Variants in TRPM1 observed in about 807,000 individuals in gnomAD.
TRPM1 encodes the protein TRPM1-203 APA Isoform, Intron 10.
TRPM1 carries 113 observed loss-of-function variants against 149.4 expected under a neutral mutation model. That is an observed-to-expected ratio of 0.76 (90% CI 0.65 to 0.88). The LOEUF (loss-of-function observed/expected upper bound fraction) is 0.88. Among genes scored for constraint, TRPM1 ranks in the 40% least tolerant of loss-of-function variants. The pLI is 0.00. For missense variants in TRPM1, 1,976 were observed against 2,038.7 expected, an observed-to-expected ratio of 0.97 and a Z score of 0.59; for synonymous variants, 741 against 759.5, an observed-to-expected ratio of 0.98 and a Z score of 0.40.
chr15:31,015,297 C>A (rs2032319099), intron 27 of TRPM1, among the ~76,000 whole-genome samples: 1 of 151,804 alleles, frequency 6.6e-6, no homozygotes, highest in Non-Finnish European at 1.5e-5. Flanking sequence ...CCTGTAATCC[C>A]AGCCACTTGG....
chr15:31,055,522 G>T (rs966353239), intron 11 of TRPM1, among the ~76,000 whole-genome samples: 8 of 152,172 alleles, frequency 5.3e-5, no homozygotes, highest in African/African-American at 1.9e-4. Flanking sequence ...CCGGAAGATG[G>T]TCTACAGAGC....
chr15:31,028,243 T>C (rs2032877686), intron 25 of TRPM1, 89 bp downstream of exon 25: 1 of 1,535,580 alleles, frequency 6.5e-7, no homozygotes. Context: ...TCTGCAAATA[T>C]ATTGGTATCT....
chr15:31,148,428 T>G (rs8030503), intron 1 of TRPM1, among the ~76,000 whole-genome samples: 7,433 of 152,226 alleles, frequency 0.049, 585 homozygotes, highest in African/African-American at 0.17. Flanking sequence ...GAGAGAACGC[T>G]CCATCCTGAT....
chr15:31,133,360 G>A (rs963609355), intron 1 of TRPM1, among the ~76,000 whole-genome samples: 4 of 152,230 alleles, frequency 2.6e-5, no homozygotes, highest in Admixed American at 2.6e-4. Context: ...TTGAGGTCAG[G>A]AGTTGGAGAA....
Position 31,002,509 on chromosome 15 carries a change from T to C in TRPM1, c.4191A>G (p.Glu1397=), listed in dbSNP as rs1425616804. Reference sequence around the variant, plus strand: ...TTTTATTTAAACTTGGGGAAATAGTTTCTTCTTTTTTAGAGTCTGTCTGTC... The same window carrying C: ...TTTTATTTAAACTTGGGGAAATAGTCTCTTCTTTTTTAGAGTCTGTCTGTC... ...DERQTDSKKE[E]TISPSLNKTD... is the part of the protein sequence containing the mutation. Residue 1397 remains glutamate, a synonymous_variant, in exon 28 of 28, where the codon GAA becomes GAG. Coordinates refer to ENST00000256552, the MANE Select transcript of TRPM1 (RefSeq NM_001252024.2). 9 of 1,614,070 alleles carry C rather than the reference T, an allele frequency of 5.6e-6. No homozygotes were observed. Among genetic ancestry groups the C allele is most frequent in the Admixed American group, 1.7e-5 (1 of 59,998 alleles).
intron 1 of TRPM1, among the ~76,000 whole-genome samples, chr15:31,090,683 T>G (rs2035212036): frequency 6.6e-6 from 1 of 151,148 alleles, no homozygotes; most frequent in East Asian, 1.9e-4. Flanking sequence ...CTGGAAAAAA[T>G]CTTCCCAACA....
At chr15:31,094,955 A>G (rs1362303366) in intron 1 of TRPM1, among the ~76,000 whole-genome samples, 1 of 152,270 alleles carries the variant, frequency 6.6e-6, no homozygotes, top group Non-Finnish European at 1.5e-5. Context: ...AATGGTGGCC[A>G]TAGCTCACAT....
chr15:31,098,868 C>T (rs991211160), intron 1 of TRPM1, among the ~76,000 whole-genome samples: 1 of 151,782 alleles, frequency 6.6e-6, no homozygotes, highest in African/African-American at 2.4e-5. Context: ...AGCCAGAAGC[C>T]GTGAGGGAGG....
chr15:31,035,401 C>G (rs2033313591), intron 21 of TRPM1, 145 bp downstream of exon 21: 1 of 1,188,202 alleles, frequency 8.4e-7, no homozygotes, highest in African/African-American at 1.5e-5. Flanking sequence ...CCGCCTCAGC[C>G]TCCCAGAGTG....
rs28535333 is a variant in TRPM1, at chr15:31,042,481, C to T, written c.1795-238G>A. ...GGCATACTGTTTGGATAACTTGCACCCCTGGGTCAGCAGTTTTACTTAGAA... is the reference window on the plus strand; with the variant it reads ...GGCATACTGTTTGGATAACTTGCACTCCTGGGTCAGCAGTTTTACTTAGAA... On this transcript the variant is annotated intron_variant, in intron 16 of 27. Coordinates refer to ENST00000256552, the MANE Select transcript of TRPM1 (RefSeq NM_001252024.2). Among the ~76,000 whole-genome samples, 15,115 of 152,142 alleles carry T rather than the reference C, an allele frequency of 0.099. 790 individuals are homozygous for T. The highest frequency in any genetic ancestry group is 0.12 in the Non-Finnish European group (8,023 of 67,980).
At chr15:31,074,373 C>T (rs973818450) in intron 3 of TRPM1, among the ~76,000 whole-genome samples, 4 of 152,186 alleles carry the variant, frequency 2.6e-5, no homozygotes, top group East Asian at 1.9e-4. Flanking sequence ...TATCTCTTTA[C>T]TCCTTATAGA....
At chr15:31,149,546 G>A (rs2036266725) in intron 1 of TRPM1, among the ~76,000 whole-genome samples, 2 of 114,926 alleles carry the variant, frequency 1.7e-5, no homozygotes, top group African/African-American at 3.6e-5. Flanking sequence ...TTTTTTTTGA[G>A]ACGGAGTCTT....
At chr15:31,025,786 C>G (rs1027145063) in intron 27 of TRPM1, among the ~76,000 whole-genome samples, 1 of 152,224 alleles carries the variant, frequency 6.6e-6, no homozygotes, top group Non-Finnish European at 1.5e-5. Context: ...TGGGGAGGAC[C>G]ATGCTCGCAA....
Position 31,125,547 on chromosome 15 carries a change from G to A in TRPM1, c.54+35359C>T, listed in dbSNP as rs571134107. Among the ~76,000 whole-genome samples the A allele has an allele frequency of 5.0e-3, 745 of 149,698 alleles. 7 individuals are homozygous for A. The highest frequency in any genetic ancestry group is 0.018 in the African/African-American group (716 of 40,506). On this transcript the variant is annotated intron_variant, in intron 1 of 26. Coordinates refer to the TRPM1 transcript ENST00000542188. The stretch of plus-strand genomic sequence containing the variant: ...AGATCGAGACCATCCCGGCTAAAAC[G>A]GTGAAACCTCGTCTCTACTAAAAAT...
chr15:31,124,034 A>G (rs1193850826), intron 1 of TRPM1, among the ~76,000 whole-genome samples: 1 of 152,250 alleles, frequency 6.6e-6, no homozygotes, highest in Non-Finnish European at 1.5e-5. Flanking sequence ...TGTGGTACCC[A>G]GTACTTTGGG....
intron 11 of TRPM1, among the ~76,000 whole-genome samples, chr15:31,051,880 C>T (rs980178183): frequency 2.0e-5 from 3 of 152,202 alleles, no homozygotes; most frequent in Non-Finnish European, 4.4e-5. Flanking sequence ...TCCAGGGTCC[C>T]TTATCTCAGG....
chr15:31,051,021 G>C (rs757839407), intron 11 of TRPM1, among the ~76,000 whole-genome samples: 1 of 152,188 alleles, frequency 6.6e-6, no homozygotes, highest in Non-Finnish European at 1.5e-5. Flanking sequence ...ATTGTGAAGG[G>C]GGTACAAGAC....
chr15:31,155,923 G>A (rs1361093171), intron 1 of TRPM1, among the ~76,000 whole-genome samples: 2 of 152,126 alleles, frequency 1.3e-5, no homozygotes, highest in Admixed American at 1.3e-4. Flanking sequence ...TCGGCCAGGT[G>A]CAGTGGCTCA....
Position 31,156,684 on chromosome 15 carries a change from A to G in TRPM1, c.54+4222T>C, listed in dbSNP as rs974371148. On this transcript the variant is annotated intron_variant, in intron 1 of 26. Coordinates refer to the TRPM1 transcript ENST00000542188. ...ATTGACTGATCTTTTACGTCTCCCT[A>G]TAATGTATAAAGCCAAGCTCTAACC... Among the ~76,000 whole-genome samples the G allele has an allele frequency of 4.6e-5, 7 of 152,256 alleles. 1 individual carries two copies. The highest frequency in any genetic ancestry group is 9.6e-5 in the African/African-American group (4 of 41,542).
Sources: allele counts gnomAD v4.1 joint callset (sites outside exome capture counted in the v4.1 genomes callset), GRCh38; gene constraint gnomAD v4.1.1; transcripts MANE v1.5; gene names NCBI Gene and HGNC (gene_info 2026-07-23, HGNC 2026-07-21).